PRR5L: variants seen among roughly 807,000 people sequenced by gnomAD.
The protein encoded by PRR5L is proline rich 5 like.
In PRR5L, 21 loss-of-function variants were observed where a neutral mutation model predicts 36.4. That is an observed-to-expected ratio of 0.58 (90% CI 0.41 to 0.83). The LOEUF is 0.83. Ranked by LOEUF, PRR5L falls within the 40% of genes least tolerant of loss-of-function variation. The pLI, the probability that PRR5L is intolerant of heterozygous loss-of-function variation, is 0.00. For synonymous variants in PRR5L, 188 were observed against 197.0 expected, an observed-to-expected ratio of 0.95 and a Z score of 0.38; for missense variants, 381 against 473.3, an observed-to-expected ratio of 0.80 and a Z score of 1.81.
intron 1 of PRR5L, among the ~76,000 whole-genome samples, chr11:36,395,048 T>C (rs1024031729): frequency 6.6e-6 from 1 of 152,164 alleles, no homozygotes; most frequent in Non-Finnish European, 1.5e-5. Context: ...GGGGTGGGTA[T>C]TGGAGTCATA....
At chr11:36,300,311 G>A (rs1486212495) in intron 1 of PRR5L, among the ~76,000 whole-genome samples, 1 of 151,994 alleles carries the variant, frequency 6.6e-6, no homozygotes, top group Admixed American at 6.6e-5. Context: ...CATGTCACAC[G>A]GTGAGAAAGG....
chr11:36,350,174 G>A (rs1032322515), intron 1 of PRR5L: 16 of 129,770 alleles, frequency 1.2e-4, no homozygotes, highest in African/African-American at 4.3e-4. Context: ...GGGAGGGTGG[G>A]TGTGTGTGTG....
intron 3 of PRR5L, among the ~76,000 whole-genome samples, chr11:36,415,755 G>T (rs1858128788): frequency 6.6e-6 from 1 of 151,960 alleles, no homozygotes; most frequent in Non-Finnish European, 1.5e-5. Flanking sequence ...ATAAAAAACA[G>T]TTAATTAATT....
intron 1 of PRR5L, among the ~76,000 whole-genome samples, chr11:36,351,438 T>C (rs1319488531): frequency 1.9e-5 from 1 of 53,218 alleles, no homozygotes; most frequent in Non-Finnish European, 3.2e-5. Context: ...TATTTATATA[T>C]ACATATATAT....
chr11:36,397,484 C>G (rs1322973847), intron 1 of PRR5L, among the ~76,000 whole-genome samples: 17 of 89,358 alleles, frequency 1.9e-4, no homozygotes, highest in Non-Finnish European at 4.2e-5. Context: ...GAGAGAGAAG[C>G]CTTGCTTTGT....
chr11:36,349,296 A>AAAAAAAAG (rs1554986758), intron 1 of PRR5L, among the ~76,000 whole-genome samples: 1 of 151,190 alleles, frequency 6.6e-6, no homozygotes, highest in African/African-American at 2.4e-5. Context: ...AAAAAAAAAA[A>AAAAAAAAG]GAAAAATTGA....
intron 1 of PRR5L, among the ~76,000 whole-genome samples, chr11:36,325,133 G>A (rs989510001): frequency 1.3e-5 from 2 of 152,134 alleles, no homozygotes; most frequent in Admixed American, 6.5e-5. Flanking sequence ...TGGGCCATGC[G>A]GTGAGTTTTA....
chr11:36,370,653 G>T (rs139969000), intron 1 of PRR5L, among the ~76,000 whole-genome samples: 1 of 152,082 alleles, frequency 6.6e-6, no homozygotes, highest in Non-Finnish European at 1.5e-5. Flanking sequence ...AGGCCAACGC[G>T]GGCAAATCAC....
At chr11:36,376,419 G>A (rs777323839) in intron 1 of PRR5L, 19 of 1,149,024 alleles carry the variant, frequency 1.7e-5, no homozygotes, top group Non-Finnish European at 2.0e-5. Context: ...CACCAGCCCG[G>A]CTGTGGGAGC....
intron 1 of PRR5L, among the ~76,000 whole-genome samples, chr11:36,360,068 C>T (rs1028754040): frequency 1.7e-5 from 1 of 58,554 alleles, no homozygotes; most frequent in Non-Finnish European, 3.9e-5. Context: ...CACACATACA[C>T]ACACACCCAC....
At chr11:36,396,835 G>T (rs765685503) in intron 1 of PRR5L, among the ~76,000 whole-genome samples, 4 of 152,186 alleles carry the variant, frequency 2.6e-5, no homozygotes, top group Non-Finnish European at 1.5e-5. Flanking sequence ...ATCAAATATG[G>T]TCATAGAGTT....
At chr11:36,392,731 G>C (rs563060471) in intron 1 of PRR5L, among the ~76,000 whole-genome samples, 66 of 152,116 alleles carry the variant, frequency 4.3e-4, no homozygotes, top group East Asian at 3.7e-3. Context: ...ACAGGAGAGA[G>C]AGACAGAGAG....
chr11:36,394,433 CTG>C (rs1403746781), intron 1 of PRR5L: 1 of 152,240 alleles, frequency 6.6e-6, no homozygotes, highest in Non-Finnish European at 1.5e-5. Flanking sequence ...CAAGGTCACA[CTG>C]TGAGTTTATT....
At chr11:36,419,585 A>G (rs899624713) in intron 4 of PRR5L, among the ~76,000 whole-genome samples, 1 of 152,258 alleles carries the variant, frequency 6.6e-6, no homozygotes, top group African/African-American at 2.4e-5. Context: ...TATCTTTACC[A>G]TAATAGAAAT....
chr11:36,462,078 T>C (rs506745), intron 8 of PRR5L, among the ~76,000 whole-genome samples: 151,822 of 152,268 alleles, frequency 1, 75,694 homozygotes, highest in East Asian at 1. Context: ...TTCCCTTGAC[T>C]CTTATCTGTC....
At chr11:36,339,241 C>T (rs1204401793) in intron 1 of PRR5L, among the ~76,000 whole-genome samples, 3 of 152,240 alleles carry the variant, frequency 2.0e-5, no homozygotes, top group East Asian at 1.9e-4. Flanking sequence ...TTACAGGCGC[C>T]GGCCACCACA....
intron 4 of PRR5L, among the ~76,000 whole-genome samples, chr11:36,430,021 G>T (rs964174184): frequency 6.6e-6 from 1 of 152,102 alleles, no homozygotes; most frequent in Admixed American, 6.5e-5. Context: ...ACAATTCTTT[G>T]TGAAGGAATT....
intron 1 of PRR5L, chr11:36,388,212 G>C (rs7931580): frequency 0.42 from 64,103 of 152,114 alleles, 15,313 homozygotes; most frequent in Non-Finnish European, 0.54. Flanking sequence ...TCCTGCACAG[G>C]GTCACTCCTA....
At chr11:36,433,522 A>G (rs1478641109) in intron 5 of PRR5L, among the ~76,000 whole-genome samples, 3 of 152,236 alleles carry the variant, frequency 2.0e-5, no homozygotes, top group Middle Eastern at 6.8e-3. Context: ...TTCTTAGGTG[A>G]CTTGCTTTGA....
Sources: allele counts gnomAD v4.1 joint callset (sites outside exome capture counted in the v4.1 genomes callset), GRCh38; gene constraint gnomAD v4.1.1; transcripts MANE v1.5; gene names NCBI Gene and HGNC (gene_info 2026-07-23, HGNC 2026-07-21).